Variants in ZMIZ1 observed in about 807,000 individuals in gnomAD.
ZMIZ1 encodes the protein zinc finger MIZ domain-containing protein 1.
ZMIZ1 carries 17 observed loss-of-function variants against 113.9 expected under a neutral mutation model. That is an observed-to-expected ratio of 0.15 (90% CI 0.10 to 0.22). The LOEUF (loss-of-function observed/expected upper bound fraction) is 0.22, where lower values mean the gene tolerates loss of function less well. Ranked by LOEUF, ZMIZ1 falls within the 10% of genes least tolerant of loss-of-function variation. The pLI, the probability that ZMIZ1 is intolerant of heterozygous loss-of-function variation, is 1.00. For synonymous variants in ZMIZ1, 607 were observed against 603.1 expected, an observed-to-expected ratio of 1.01 and a Z score of -0.09; for missense variants, 1,059 against 1,477.8, an observed-to-expected ratio of 0.72 and a Z score of 4.65.
chr10:79,296,986 A>C lies in ZMIZ1; in HGVS notation c.1413+333A>C. ...ATTAACATTTCATTCTAAACTTTGT[A>C]TGTGCAGGTGGGCACTAACATGTTA... On this transcript the variant is annotated intron_variant, in intron 13 of 24. Transcript: ENST00000334512. The surrounding 1 kb of genome is among the most constrained non-coding windows in gnomAD (Gnocchi z 4.1). 4.4e-6 allele frequency: 1 copy of C among 227,326 alleles called. No individual in the cohort carries two copies. Among genetic ancestry groups the C allele is most frequent in the Non-Finnish European group, 8.5e-6 (1 of 117,958 alleles). The allele number at this position is 227,326 out of a possible 1,614,324, so 14.1% of individuals were successfully genotyped here.
At chr10:79,198,668 C>G (rs1847941579) in intron 4 of ZMIZ1, among the ~76,000 whole-genome samples, 1 of 152,342 alleles carries the variant, frequency 6.6e-6, no homozygotes, top group African/African-American at 2.4e-5. Context: ...ACTTCTGAGC[C>G]TATGTTCTCT....
rs1212424228 is a variant in ZMIZ1, at chr10:79,287,873, C to G, written c.426-1902C>G. On this transcript the variant is annotated intron_variant, in intron 8 of 24. Coordinates refer to ENST00000334512, the MANE Select transcript of ZMIZ1 (RefSeq NM_020338.4). ...AAGTCTCTGCCGTCACAGAGCTGTT[C>G]TAGAGGCAGACAGACAATAATCAAA... is the stretch of plus-strand genomic sequence containing the variant. Among the ~76,000 whole-genome samples, 4 of 152,316 alleles carry G rather than the reference C, an allele frequency of 2.6e-5. No homozygotes were observed. In the South Asian group the frequency reaches 6.2e-4, roughly 24 times the overall value.
intron 6 of ZMIZ1, among the ~76,000 whole-genome samples, chr10:79,210,948 T>C (rs943835496): frequency 3.9e-5 from 6 of 152,064 alleles, no homozygotes; most frequent in African/African-American, 9.7e-5. Context: ...AGAGGCTGCA[T>C]AGACAGTGCC....
At chr10:79,164,154 C>T (rs1327084879) in intron 4 of ZMIZ1, among the ~76,000 whole-genome samples, 2 of 152,164 alleles carry the variant, frequency 1.3e-5, no homozygotes, top group Non-Finnish European at 2.9e-5. Flanking sequence ...GGTGAACATG[C>T]GGCCTTCTCT....
intron 3 of ZMIZ1, among the ~76,000 whole-genome samples, chr10:79,141,343 C>T (rs1221225560): frequency 1.3e-5 from 2 of 152,168 alleles, no homozygotes; most frequent in African/African-American, 4.8e-5. Context: ...TGATAAATAC[C>T]TAAAAAGTGA....
intron 7 of ZMIZ1, among the ~76,000 whole-genome samples, chr10:79,241,175 A>C (rs2132831159): frequency 6.6e-6 from 1 of 152,344 alleles, no homozygotes; most frequent in South Asian, 2.1e-4. Context: ...ACCAGATCTT[A>C]GGTACATCCA....
At chr10:79,216,957 A>G (rs1253270137) in intron 7 of ZMIZ1, among the ~76,000 whole-genome samples, 1 of 152,154 alleles carries the variant, frequency 6.6e-6, no homozygotes, top group African/African-American at 2.4e-5. Context: ...TTTATTTTAC[A>G]TTTCCCACCA....
chr10:79,131,397 G>C (rs1844762407), intron 2 of ZMIZ1, among the ~76,000 whole-genome samples: 4 of 152,074 alleles, frequency 2.6e-5, no homozygotes, highest in Admixed American at 1.3e-4. Context: ...TTTTTCAGGG[G>C]GTTTATCTCC....
rs1285660647 is a variant in ZMIZ1, at chr10:79,271,833, G to A, written c.281-5348G>A. ...GGCCTGGAGCCTGCTGGGCAGAGGG[G>A]GCTTACGAATAAGAGACCACCTTCT... is the stretch of plus-strand genomic sequence containing the variant. On this transcript the variant is annotated intron_variant, in intron 7 of 24. Coordinates refer to ENST00000334512, the MANE Select transcript of ZMIZ1 (RefSeq NM_020338.4). Among the ~76,000 whole-genome samples the A allele has an allele frequency of 3.3e-5, 5 of 152,134 alleles. No individual in the cohort carries two copies. The East Asian group carries it at 9.6e-4, about 29-fold the overall frequency.
chr10:79,216,853 C>T (rs539764774), intron 7 of ZMIZ1, among the ~76,000 whole-genome samples: 1 of 152,374 alleles, frequency 6.6e-6, no homozygotes, highest in East Asian at 1.9e-4. Flanking sequence ...TTTGTCATCA[C>T]CTGCGGTCTC....
intron 7 of ZMIZ1, among the ~76,000 whole-genome samples, chr10:79,254,753 G>A (rs1331899627): frequency 5.3e-5 from 8 of 152,188 alleles, no homozygotes; most frequent in African/African-American, 1.9e-4. Context: ...GTGGGCGGGG[G>A]CGTTGGTGGG....
At chr10:79,141,469 G>T (rs1448570405) in intron 3 of ZMIZ1, among the ~76,000 whole-genome samples, 2 of 151,844 alleles carry the variant, frequency 1.3e-5, no homozygotes, top group Non-Finnish European at 2.9e-5. Flanking sequence ...TTGAGACAGG[G>T]TCTCACTCTG....
intron 2 of ZMIZ1, among the ~76,000 whole-genome samples, chr10:79,137,986 G>A (rs561582671): frequency 1.3e-4 from 20 of 152,164 alleles, no homozygotes; most frequent in Non-Finnish European, 2.6e-4. Flanking sequence ...AGGAAGTCCC[G>A]TCCCGAGGCC....
Position 79,128,568 on chromosome 10 carries a change from A to G in ZMIZ1, c.-227+9544A>G, listed in dbSNP as rs548682971. 1.4e-4 allele frequency among the ~76,000 whole-genome samples: 22 copies of G among 152,268 alleles called. No homozygotes were observed. In the South Asian group the frequency reaches 4.6e-3, roughly 32 times the overall value. On this transcript the variant is annotated intron_variant, in intron 2 of 24. Coordinates refer to ENST00000334512, the MANE Select transcript of ZMIZ1 (RefSeq NM_020338.4). ...TGGGGCCAGGAGGAGGCGTGTGTACATCATGGGGCGTTCCTTTCTCTTGCT... is the reference window on the plus strand; with the variant it reads ...TGGGGCCAGGAGGAGGCGTGTGTACGTCATGGGGCGTTCCTTTCTCTTGCT...
chr10:79,233,078 A>C (rs930813126), intron 7 of ZMIZ1, among the ~76,000 whole-genome samples: 13 of 152,182 alleles, frequency 8.5e-5, no homozygotes, highest in South Asian at 2.1e-4. Context: ...AATTAGGCCA[A>C]ATTCAATTAC....
intron 1 of ZMIZ1, among the ~76,000 whole-genome samples, chr10:79,070,831 C>T (rs889953947): frequency 1.3e-5 from 2 of 151,106 alleles, no homozygotes; most frequent in African/African-American, 4.8e-5. Flanking sequence ...TGAGCCTGCC[C>T]GCCTGCCTCC....
At chr10:79,308,845 G>T (rs1298689774) in intron 23 of ZMIZ1, among the ~76,000 whole-genome samples, 2 of 152,088 alleles carry the variant, frequency 1.3e-5, no homozygotes, top group Non-Finnish European at 2.9e-5. Flanking sequence ...CTGGAATATG[G>T]AGTGCTGATG....
chr10:79,073,914 C>G (rs998173388), intron 1 of ZMIZ1, among the ~76,000 whole-genome samples: 1 of 152,130 alleles, frequency 6.6e-6, no homozygotes, highest in African/African-American at 2.4e-5. Flanking sequence ...TGGGAGAGAC[C>G]AGAACTGTGG....
chr10:79,303,974 T>C, intron 18 of ZMIZ1, 41 bp from the exon 19 acceptor site: 1 of 1,611,978 alleles, frequency 6.2e-7, no homozygotes, highest in South Asian at 1.1e-5. Context: ...TCTGCAGGAC[T>C]GTCTTGCCAT....
Sources: allele counts gnomAD v4.1 joint callset (sites outside exome capture counted in the v4.1 genomes callset), GRCh38; gene constraint gnomAD v4.1.1; non-coding constraint Gnocchi (gnomAD v3.1); transcripts MANE v1.5; gene names NCBI Gene and HGNC (gene_info 2026-07-23, HGNC 2026-07-21).